The following DNAAF9 variants were observed in gnomAD, a reference collection of about 807,000 sequenced individuals.
DNAAF9 encodes the protein shulin.
A neutral mutation model predicts 167.0 loss-of-function variants in DNAAF9; 90 were observed. The ratio of observed to expected loss-of-function variants is 0.54; its 90% CI spans 0.45 to 0.64. DNAAF9 has a LOEUF of 0.64. Among genes scored for constraint, DNAAF9 ranks in the 30% least tolerant of loss-of-function variants. DNAAF9 has a pLI of 0.00. For missense variants in DNAAF9, 1,315 were observed against 1,442.2 expected, an observed-to-expected ratio of 0.91 and a Z score of 1.43; for synonymous variants, 491 against 508.8, an observed-to-expected ratio of 0.96 and a Z score of 0.47.
intron 18 of DNAAF9, 25 bp downstream of exon 18, chr20:3,316,698 C>A: frequency 6.3e-7 from 1 of 1,579,400 alleles, no homozygotes; most frequent in Non-Finnish European, 8.7e-7. Flanking sequence ...CGTAGGTCCA[C>A]TTCCACCTGA....
At chr20:3,319,652 C>T (rs912023274) in intron 16 of DNAAF9, among the ~76,000 whole-genome samples, 1 of 152,056 alleles carries the variant, frequency 6.6e-6, no homozygotes, top group Non-Finnish European at 1.5e-5. Flanking sequence ...CTGTCCCACC[C>T]CTTAGGACAG....
chr20:3,382,947 A>G (rs1338744995), intron 1 of DNAAF9, among the ~76,000 whole-genome samples: 2 of 152,144 alleles, frequency 1.3e-5, no homozygotes, highest in Non-Finnish European at 2.9e-5. Flanking sequence ...CTAAACCCCC[A>G]AACTGGCCTG....
intron 13 of DNAAF9, among the ~76,000 whole-genome samples, chr20:3,325,859 G>A (rs2069700899): frequency 6.7e-6 from 1 of 149,750 alleles, no homozygotes; most frequent in South Asian, 2.1e-4. Flanking sequence ...TTTCACAGTA[G>A]AATAATCTAA....
intron 11 of DNAAF9, among the ~76,000 whole-genome samples, chr20:3,331,835 G>A (rs1265712987): frequency 6.6e-6 from 1 of 152,098 alleles, no homozygotes; most frequent in Non-Finnish European, 1.5e-5. Context: ...CAGCACGCCT[G>A]GCTAATTTTT....
intron 27 of DNAAF9, among the ~76,000 whole-genome samples, chr20:3,283,896 T>TG (rs1225824437): frequency 3.3e-5 from 5 of 152,174 alleles, no homozygotes; most frequent in Non-Finnish European, 5.9e-5. Flanking sequence ...AGAGAGTGCC[T>TG]GGGGAATTTC....
intron 1 of DNAAF9, among the ~76,000 whole-genome samples, chr20:3,395,214 G>T (rs1277223169): frequency 7.2e-6 from 1 of 139,272 alleles, no homozygotes; most frequent in Non-Finnish European, 1.6e-5. Context: ...CTCGTGATCC[G>T]CCCGTCTCGG....
chr20:3,330,578 A>G, intron 12 of DNAAF9, 68 bp downstream of exon 12: 1 of 908,200 alleles, frequency 1.1e-6, no homozygotes, highest in Non-Finnish European at 1.8e-6. Flanking sequence ...CTCAAAAGGA[A>G]GTACACAGGA....
In DNAAF9 at chr20:3,255,305, G is replaced by A. The variant is rs1176601197; in HGVS notation, c.3262-21C>T. On this transcript the variant is annotated intron_variant, in intron 34 of 36. Coordinates refer to ENST00000252032, the MANE Select transcript of DNAAF9 (RefSeq NM_001009984.3). Reference sequence around the variant, plus strand: ...GGCTTCTGCAGAGATGGGGAGTGGAGGGTCAGGTCCCAGCAGAACTCATGG... The same window carrying A: ...GGCTTCTGCAGAGATGGGGAGTGGAAGGTCAGGTCCCAGCAGAACTCATGG... The A allele has an allele frequency of 2.0e-6, 3 of 1,505,842 alleles. No homozygotes were observed. The Admixed American group carries it at 5.9e-5, about 30-fold the overall frequency. 93.3% of individuals were successfully genotyped at this position (1,505,842 alleles called of 1,614,324 possible).
intron 6 of DNAAF9, among the ~76,000 whole-genome samples, chr20:3,370,941 A>G (rs1011400230): frequency 1.3e-5 from 2 of 152,116 alleles, no homozygotes; most frequent in African/African-American, 4.8e-5. Context: ...TTGAGGGGAG[A>G]GGAGAGCGGT....
intron 6 of DNAAF9, among the ~76,000 whole-genome samples, chr20:3,369,573 C>G (rs548230796): frequency 6.6e-6 from 1 of 151,948 alleles, no homozygotes; most frequent in African/African-American, 2.4e-5. Context: ...ACGGGGGTCT[C>G]GCTGTGTTGA....
At chr20:3,268,975 C>T (rs1366085587) in intron 30 of DNAAF9, among the ~76,000 whole-genome samples, 1 of 137,972 alleles carries the variant, frequency 7.2e-6, no homozygotes, top group East Asian at 2.2e-4. Flanking sequence ...GCGGTCTTGG[C>T]TCACTGCAAG....
Position 3,296,918 on chromosome 20 carries a change from G to A in DNAAF9, c.1961C>T (p.Ser654Leu). The A allele has an allele frequency of 6.2e-7, 1 of 1,610,692 alleles. No homozygotes were observed. ...VFSLWKQQDNSGISLKVIQED... is the reference protein window; with the variant it reads ...VFSLWKQQDNLGISLKVIQED... ...CTGGATCACTTTTAAAGAGATCCCT[G>A]AGTTATCCTGCTGTTTCCAGAGGGA... The change falls in exon 23 of 37, where the codon TCA (serine) becomes TTA (leucine). Residue 654 changes from serine to leucine, a missense_variant. By Grantham distance (145) the Ser-to-Leu change is moderately radical. Coordinates refer to ENST00000252032, the MANE Select transcript of DNAAF9 (RefSeq NM_001009984.3).
At chr20:3,391,840 A>G (rs959836992) in intron 1 of DNAAF9, among the ~76,000 whole-genome samples, 67 of 152,050 alleles carry the variant, frequency 4.4e-4, no homozygotes, top group African/African-American at 1.6e-3. Flanking sequence ...TGGCCTCCCA[A>G]AGTGCTGGGA....
intron 20 of DNAAF9, among the ~76,000 whole-genome samples, chr20:3,312,117 T>C (rs920236927): frequency 9.2e-5 from 14 of 151,972 alleles, no homozygotes; most frequent in African/African-American, 2.9e-4. Flanking sequence ...GCCTCCCGAG[T>C]AGCTGGGATT....
chr20:3,395,726 C>T (rs2083898252), intron 1 of DNAAF9, among the ~76,000 whole-genome samples: 1 of 152,112 alleles, frequency 6.6e-6, no homozygotes. Context: ...TCCTTTCCTT[C>T]CTCTCATTTT....
At chr20:3,280,110 G>A (rs1390600387) in intron 28 of DNAAF9, among the ~76,000 whole-genome samples, 3 of 152,118 alleles carry the variant, frequency 2.0e-5, no homozygotes, top group Non-Finnish European at 4.4e-5. Context: ...AGTTTCTGAA[G>A]AATTCCAAGG....
rs190227156 is a variant in DNAAF9 at position 3,263,598 on chromosome 20, C to T, written c.2873+840G>A. ...CTCTTTGCTGCCCCTGGTACCTTAT[C>T]TGTAAAATGATAAAATAACGGAATC... On this transcript the variant is annotated intron_variant, in intron 31 of 36. Coordinates refer to ENST00000252032, the MANE Select transcript of DNAAF9 (RefSeq NM_001009984.3). Among the ~76,000 whole-genome samples the T allele has an allele frequency of 2.5e-3, 374 of 152,280 alleles. 1 individual carries two copies. The highest frequency in any genetic ancestry group is 8.7e-3 in the African/African-American group (363 of 41,564).
chr20:3,353,043 T>C (rs1041776085), intron 7 of DNAAF9, among the ~76,000 whole-genome samples: 5 of 149,322 alleles, frequency 3.3e-5, no homozygotes, highest in Non-Finnish European at 7.4e-5. Context: ...ATCCTCAATA[T>C]GTAAATATAT....
rs186904559 is a variant in DNAAF9 at position 3,259,998 on chromosome 20, G to A, written c.2904C>T (p.Val968=). 36 of 1,611,674 alleles carry A rather than the reference G, an allele frequency of 2.2e-5. No homozygotes were observed. In the Admixed American group the frequency reaches 3.5e-4, roughly 16 times the overall value. ...CGCAGATCTGAACCATTAGGGGATA[G>A]ACTGATCCAGCATTCAATTTACCTT... ...WYEGKLNAGS[V]YPLMVQICVW... is the part of the protein sequence containing the mutation. The change falls in exon 32 of 37, where the codon GTC becomes GTT. Residue 968 remains valine, a synonymous_variant. Transcript: ENST00000252032.
Sources: allele counts gnomAD v4.1 joint callset (sites outside exome capture counted in the v4.1 genomes callset), GRCh38; gene constraint gnomAD v4.1.1; transcripts MANE v1.5; gene names NCBI Gene and HGNC (gene_info 2026-07-23, HGNC 2026-07-21).